Variants in MED16 observed in about 807,000 individuals in gnomAD.
MED16 encodes mediator complex subunit 16, also known as mediator of RNA polymerase II transcription subunit 16.
MED16 carries 81 observed loss-of-function variants against 84.4 expected under a neutral mutation model. The ratio of observed to expected loss-of-function variants is 0.96; its 90% CI spans 0.80 to 1.15. MED16 has a LOEUF of 1.15. Among genes scored for constraint, MED16 ranks in the 50% most tolerant of loss-of-function variants. The pLI is 0.00. For synonymous variants in MED16, 897 were observed against 552.2 expected, an observed-to-expected ratio of 1.62 and a Z score of -8.76; for missense variants, 1,585 against 1,245.9, an observed-to-expected ratio of 1.27 and a Z score of -4.10.
At chr19:882,963 G>A (rs886679897) in intron 6 of MED16, among the ~76,000 whole-genome samples, 1 of 152,224 alleles carries the variant, frequency 6.6e-6, no homozygotes, top group Non-Finnish European at 1.5e-5. Flanking sequence ...CAGTGGTCAG[G>A]GGTGGCTGGC....
chr19:885,718 C>T, intron 5 of MED16, 52 bp downstream of exon 5: 1 of 1,577,080 alleles, frequency 6.3e-7, no homozygotes, highest in Non-Finnish European at 8.6e-7. Flanking sequence ...CCCTGAGAAG[C>T]AGTGCTTCAT....
rs1451677290 is a variant in MED16 at position 881,426 on chromosome 19, T to TACA, written c.1141+130_1141+132dup. ...ATCAGAACCCAGAAGGCTGAGCTCCTACAGCCCCATGGCCTGTGCTCAGAG... is the reference window on the plus strand; with the variant it reads ...ATCAGAACCCAGAAGGCTGAGCTCCTACAACAGCCCCATGGCCTGTGCTCAGAG... On this transcript the variant is annotated intron_variant, in intron 7 of 15. Coordinates refer to ENST00000325464, the MANE Select transcript of MED16 (RefSeq NM_005481.3). The TACA allele has an allele frequency of 3.8e-6, 4 of 1,052,550 alleles. No individual in the cohort carries two copies. In the African/African-American group the frequency reaches 4.8e-5, roughly 13 times the overall value. 65.2% of individuals were successfully genotyped at this position (1,052,550 alleles called of 1,614,324 possible).
chr19:880,237 G>A (rs2036392085), intron 7 of MED16, 89 bp from the exon 8 acceptor site: 5 of 1,262,402 alleles, frequency 4.0e-6, no homozygotes, highest in South Asian at 3.1e-5. Context: ...GGTGTGGAGA[G>A]CCGGGGCTGC....
chr19:881,796 G>T (rs1240402015), intron 6 of MED16, 82 bp from the exon 7 acceptor site: 37 of 1,505,480 alleles, frequency 2.5e-5, no homozygotes, highest in Non-Finnish European at 3.1e-5. Context: ...GCATGGCCTG[G>T]TGTGCAACCT....
In MED16 at chr19:875,485, G is replaced by C. The variant is rs367670497; in HGVS notation, c.1561-31C>G. On this transcript the variant is annotated intron_variant, in intron 9 of 15. Transcript: ENST00000325464. ...GGCAGGAAGCCAGGTCACCCCAAGG[G>C]GCCGGAGCAGAGGCGCCCGCCAAGG... 9 of 1,565,882 alleles carry C rather than the reference G, an allele frequency of 5.7e-6. No homozygotes were observed. The African/African-American group carries it at 1.2e-4, about 21-fold the overall frequency.
rs1489254025 is a variant in MED16 at position 873,567 on chromosome 19, A to G, written c.1787T>C (p.Met596Thr). ...AAATTCCTCCGTCTTGAGGTTGATC[A>G]TGACCTTGTCAATGTCTACAAGGAG... ...KITDVDIDKVMINLKTEEFVL... is the reference protein window; with the variant it reads ...KITDVDIDKVTINLKTEEFVL... The change falls in exon 11 of 16, where the codon ATG becomes ACG. Residue 596 changes from methionine to threonine, a missense_variant. Transcript: ENST00000325464. The G allele has an allele frequency of 6.2e-7, 1 of 1,612,368 alleles. No homozygotes were observed. Among genetic ancestry groups the G allele is most frequent in the Non-Finnish European group, 8.5e-7 (1 of 1,179,680 alleles).
At position 870,785 on chromosome 19, in the gene MED16, C is replaced by T. The variant is rs554213676; in HGVS notation, c.2315+252G>A. Reference sequence around the variant, plus strand: ...ATGGAGGGAGGGAGCCGTGTGGATTCGGGGGGACCCGGGGCAGGACATGGA... The same window carrying T: ...ATGGAGGGAGGGAGCCGTGTGGATTTGGGGGGACCCGGGGCAGGACATGGA... On this transcript the variant is annotated intron_variant, in intron 13 of 15. Transcript: ENST00000325464. Among the ~76,000 whole-genome samples the T allele has an allele frequency of 8.2e-4, 74 of 90,116 alleles. 1 individual carries two copies. In the East Asian group the frequency reaches 0.019, roughly 24 times the overall value. 59.1% of individuals were successfully genotyped at this position (90,116 alleles called of 152,430 possible). A position where few individuals can be genotyped will look rare whatever the true frequency, so the allele number is the denominator to read the frequency against.
chr19:875,262 T>C lies in MED16; in HGVS notation c.1753A>G (p.Thr585Ala). 1.2e-6 allele frequency: 2 copies of C among 1,610,858 alleles called. No homozygotes were observed. The highest frequency in any genetic ancestry group is 3.3e-5 in the Admixed American group (2 of 59,940). The change falls in exon 10 of 16, where the codon ACC (threonine) becomes GCC (alanine). Residue 585 changes from threonine (T) to alanine (A), a missense_variant. Transcript: ENST00000325464. ...SPGDRLTEIC[T>A]KITDVDIDKV... ...GACCCACCGACGTCGGTGATCTTGG[T>C]GCAGATCTCGGTCAGCCGGTCGCCG...
intron 11 of MED16, among the ~76,000 whole-genome samples, chr19:872,416 C>G (rs930791816): frequency 2.0e-5 from 3 of 152,032 alleles, no homozygotes; most frequent in Non-Finnish European, 2.9e-5. Flanking sequence ...GGAGGAGCAG[C>G]CGCCCCCTCC....
At chr19:888,774 G>A (rs73492592) in intron 4 of MED16, among the ~76,000 whole-genome samples, 2,775 of 152,244 alleles carry the variant, frequency 0.018, 73 homozygotes, top group African/African-American at 0.062. Context: ...CGTGTACTGC[G>A]GCAATGCGCC....
chr19:890,263 GT>G lies in MED16; in HGVS notation c.170-20del. On this transcript the variant is annotated intron_variant, in intron 2 of 15. Coordinates refer to ENST00000325464, the MANE Select transcript of MED16 (RefSeq NM_005481.3). ...GTCAGGTCTGTGGGGACGGGGCATG[GT>G]CAGCACGGCCTGGCACCACAGCCTG... 6.7e-7 allele frequency: 1 copy of G among 1,496,090 alleles called. No individual in the cohort carries two copies. The highest frequency in any genetic ancestry group is 9.0e-7 in the Non-Finnish European group (1 of 1,110,986). 92.7% of individuals were successfully genotyped at this position (1,496,090 alleles called of 1,614,324 possible).
At position 891,010 on chromosome 19, in the gene MED16, C is replaced by T; in HGVS notation, c.122G>A (p.Cys41Tyr). 6.2e-7 allele frequency: 1 copy of T among 1,614,046 alleles called. No homozygotes were observed. The highest frequency in any genetic ancestry group is 8.5e-7 in the Non-Finnish European group (1 of 1,180,002). The change falls in exon 2 of 16, where the codon TGC becomes TAC. Residue 41 changes from cysteine (C) to tyrosine (Y), a missense_variant. Cys to Tyr is a radical substitution (Grantham distance 194). Coordinates refer to ENST00000325464, the MANE Select transcript of MED16 (RefSeq NM_005481.3). ...PSVPLACAWS[C>Y]RNLIAFTMDL... ...CATGGTGAAGGCGATGAGATTTCGG[C>T]AGGACCAGGCGCAGGCCAGGGGCAC...
In MED16 at chr19:885,893, C is replaced by T; in HGVS notation, c.756G>A (p.Lys252=). ...YKVCVSVVSE[K]CRIDTEILPS... ...GCAGGATCTCCGTGTCGATACGGCA[C>T]TTCTCGCTCACCACGCTCACGCACA... The change falls in exon 5 of 16, where the codon AAG becomes AAA. Residue 252 remains lysine, a synonymous_variant. Coordinates refer to ENST00000325464, the MANE Select transcript of MED16 (RefSeq NM_005481.3). The T allele has an allele frequency of 6.2e-7, 1 of 1,613,718 alleles. No individual in the cohort carries two copies. The highest frequency in any genetic ancestry group is 1.7e-5 in the Admixed American group (1 of 60,038).
rs1457724306 is a variant in MED16, at chr19:877,157, A to G, written c.1377T>C (p.Pro459=). Residue 459 remains proline, a synonymous_variant, in exon 9 of 16, where the codon CCT becomes CCC. Coordinates refer to ENST00000325464, the MANE Select transcript of MED16 (RefSeq NM_005481.3). ...CCACCTCCAGCGGGTGGCCCATGGAAGGTGAGAGGCGGAGCACGCTCAGCT... is the reference window on the plus strand; with the variant it reads ...CCACCTCCAGCGGGTGGCCCATGGAGGGTGAGAGGCGGAGCACGCTCAGCT... ...HGKLSVLRLS[P]SMGHPLEVGL... The G allele has an allele frequency of 3.7e-6, 6 of 1,611,312 alleles. No homozygotes were observed.
intron 4 of MED16, among the ~76,000 whole-genome samples, chr19:889,137 C>A (rs2036581613): frequency 6.9e-6 from 1 of 144,142 alleles, no homozygotes; most frequent in African/African-American, 2.7e-5. Flanking sequence ...CCTGGCCACG[C>A]CTACTCTTAA....
At chr19:880,793 C>T (rs996552906) in intron 7 of MED16, among the ~76,000 whole-genome samples, 14 of 151,968 alleles carry the variant, frequency 9.2e-5, no homozygotes, top group Admixed American at 1.3e-4. Flanking sequence ...TGGCAGCACG[C>T]GCCTGTAGTC....
At chr19:871,574 C>G (rs1367334653) in intron 12 of MED16, 2 of 1,595,048 alleles carry the variant, frequency 1.3e-6, no homozygotes, top group South Asian at 2.2e-5. Context: ...CACATACACA[C>G]AACCCGACAA....
At chr19:888,316 G>A (rs1182393718) in intron 4 of MED16, among the ~76,000 whole-genome samples, 1 of 152,020 alleles carries the variant, frequency 6.6e-6, no homozygotes, top group African/African-American at 2.4e-5. Flanking sequence ...GAGGTGAGAA[G>A]TTCGAGACCA....
chr19:869,515 CCT>C (rs773847391), intron 13 of MED16, among the ~76,000 whole-genome samples: 18 of 152,306 alleles, frequency 1.2e-4, no homozygotes, highest in South Asian at 8.3e-4. Context: ...ACGTAACCGT[CCT>C]CTCTTTCCAT....
Sources: allele counts gnomAD v4.1 joint callset (sites outside exome capture counted in the v4.1 genomes callset), GRCh38; gene constraint gnomAD v4.1.1; transcripts MANE v1.5; gene names NCBI Gene and HGNC (gene_info 2026-07-23, HGNC 2026-07-21).